ZFHX3: variants seen among roughly 807,000 people sequenced by gnomAD.
ZFHX3 encodes the protein zinc finger homeobox protein 3.
In ZFHX3, 42 loss-of-function variants were observed where a neutral mutation model predicts 279.1. The observed-to-expected ratio is 0.15, with a 90% confidence interval of 0.12 to 0.19. ZFHX3 has a LOEUF of 0.19. ZFHX3 is among the 10% of genes least tolerant of loss of function. The pLI is 1.00. For missense variants in ZFHX3, 4,981 were observed against 4,754.0 expected, an observed-to-expected ratio of 1.05 and a Z score of -1.40; for synonymous variants, 2,293 against 1,957.8, an observed-to-expected ratio of 1.17 and a Z score of -4.52.
At chr16:73,404,354 T>C (rs1453789910) in intron 3 of ZFHX3, among the ~76,000 whole-genome samples, 1 of 152,184 alleles carries the variant, frequency 6.6e-6, no homozygotes, top group African/African-American at 2.4e-5. Context: ...CTGCAAGACA[T>C]GAAAGTGACC....
At chr16:73,671,402 G>A (rs977857398) in intron 2 of ZFHX3, among the ~76,000 whole-genome samples, 1 of 152,190 alleles carries the variant, frequency 6.6e-6, no homozygotes, top group African/African-American at 2.4e-5. Context: ...GAGATGAGCA[G>A]AGAAACACAG....
intron 1 of ZFHX3, among the ~76,000 whole-genome samples, chr16:73,827,835 A>G (rs142372660): frequency 0.21 from 25,978 of 123,186 alleles, 3,259 homozygotes; most frequent in East Asian, 0.53. Context: ...TATGTGGTCA[A>G]TTTTGGAATA....
intron 7 of ZFHX3, among the ~76,000 whole-genome samples, chr16:73,113,777 G>T (rs992020856): frequency 7.9e-5 from 11 of 139,130 alleles, no homozygotes; most frequent in Non-Finnish European, 1.7e-4. Context: ...TCATGACCAA[G>T]ACTCTTTTTT....
intron 7 of ZFHX3, among the ~76,000 whole-genome samples, chr16:72,806,237 G>C (rs1436639575): frequency 6.6e-6 from 1 of 152,126 alleles, no homozygotes; most frequent in African/African-American, 2.4e-5. Flanking sequence ...AAATACTGTA[G>C]GGCCGTGTTA....
At chr16:72,973,024 G>T (rs1392419123) in intron 1 of ZFHX3, among the ~76,000 whole-genome samples, 2 of 152,148 alleles carry the variant, frequency 1.3e-5, no homozygotes, top group African/African-American at 4.8e-5. Context: ...AACTACTTCT[G>T]CGGTTTCAAT....
At chr16:72,930,713 C>A (rs778645569) in intron 3 of ZFHX3, among the ~76,000 whole-genome samples, 1 of 152,096 alleles carries the variant, frequency 6.6e-6, no homozygotes, top group Non-Finnish European at 1.5e-5. Flanking sequence ...CTCATAAAAC[C>A]TACTACGGAA....
chr16:73,858,182 C>G (rs1344812770), intron 1 of ZFHX3, among the ~76,000 whole-genome samples: 1 of 152,076 alleles, frequency 6.6e-6, no homozygotes, highest in Non-Finnish European at 1.5e-5. Flanking sequence ...CCTCTTTCCC[C>G]CATGCACATG....
intron 1 of ZFHX3, among the ~76,000 whole-genome samples, chr16:73,848,890 T>G (rs1025985254): frequency 2.6e-5 from 4 of 152,226 alleles, no homozygotes; most frequent in Non-Finnish European, 5.9e-5. Flanking sequence ...ATTTTGTCTT[T>G]TGGTGCCATC....
intron 2 of ZFHX3, among the ~76,000 whole-genome samples, chr16:73,576,971 G>A (rs530671629): frequency 6.6e-6 from 1 of 152,246 alleles, no homozygotes; most frequent in African/African-American, 2.4e-5. Flanking sequence ...CTTTTAGTTA[G>A]ATCTAGATTC....
chr16:72,856,287 G>A (rs373444251), intron 4 of ZFHX3, among the ~76,000 whole-genome samples: 3 of 152,244 alleles, frequency 2.0e-5, no homozygotes, highest in African/African-American at 7.2e-5. Flanking sequence ...GAGCACGCAC[G>A]TGGTCAGACC....
At chr16:73,811,322 G>A (rs1166925411) in intron 1 of ZFHX3, among the ~76,000 whole-genome samples, 1 of 151,980 alleles carries the variant, frequency 6.6e-6, no homozygotes, top group Non-Finnish European at 1.5e-5. Context: ...CTTTCTGGGT[G>A]ATCTAAAACT....
chr16:72,996,764 C>T (rs1173038082), intron 1 of ZFHX3, among the ~76,000 whole-genome samples: 1 of 152,228 alleles, frequency 6.6e-6, no homozygotes, highest in East Asian at 1.9e-4. Context: ...TTTCTGGCCA[C>T]AGAGTTAAGT....
chr16:72,883,241 A>T (rs747324711), intron 4 of ZFHX3, among the ~76,000 whole-genome samples: 18 of 152,146 alleles, frequency 1.2e-4, no homozygotes, highest in Non-Finnish European at 1.2e-4. Context: ...GACAGTATAC[A>T]CCCTGAGAAC....
intron 4 of ZFHX3, among the ~76,000 whole-genome samples, chr16:73,301,448 T>C (rs1456648184): frequency 6.6e-6 from 1 of 152,174 alleles, no homozygotes; most frequent in East Asian, 1.9e-4. Flanking sequence ...GTCTTGTGCA[T>C]TGTAGGATTT....
At chr16:73,078,182 A>C (rs887706168) in intron 8 of ZFHX3, among the ~76,000 whole-genome samples, 1 of 151,810 alleles carries the variant, frequency 6.6e-6, no homozygotes, top group African/African-American at 2.4e-5. Flanking sequence ...AGTATGAAAA[A>C]CCTCATTGTT....
At chr16:72,951,537 C>G (rs1567601177) in intron 2 of ZFHX3, among the ~76,000 whole-genome samples, 1 of 152,210 alleles carries the variant, frequency 6.6e-6, no homozygotes, top group African/African-American at 2.4e-5. Flanking sequence ...GCTAGAATGA[C>G]AGGCATGAGC....
At chr16:73,485,513 T>C (rs8049270) in intron 2 of ZFHX3, among the ~76,000 whole-genome samples, 41,106 of 151,806 alleles carry the variant, frequency 0.27, 6,446 homozygotes, top group East Asian at 0.64. Flanking sequence ...ACTCTACCAT[T>C]TGGGGACTGT....
intron 5 of ZFHX3, among the ~76,000 whole-genome samples, chr16:73,235,617 T>C (rs2012920052): frequency 6.6e-6 from 1 of 152,118 alleles, no homozygotes; most frequent in South Asian, 2.1e-4. Context: ...ATGTGTTGCC[T>C]GATCTTCCAC....
At chr16:73,778,981 G>C (rs1345702547) in intron 1 of ZFHX3, among the ~76,000 whole-genome samples, 1 of 152,204 alleles carries the variant, frequency 6.6e-6, no homozygotes, top group Non-Finnish European at 1.5e-5. Flanking sequence ...AGCTAAAACT[G>C]TTTTCTCTGA....
Sources: gnomAD v4.1 joint callset for allele counts (sites outside exome capture counted in the v4.1 genomes callset) on GRCh38, gnomAD v4.1.1 for gene constraint, MANE v1.5 for transcripts, NCBI Gene and HGNC (gene_info 2026-07-23, HGNC 2026-07-21) for gene names.